TNXB: variants seen among roughly 807,000 people sequenced by gnomAD.
TNXB encodes the protein tenascin XB, also known as tenascin-X.
Under a neutral mutation model 340.5 loss-of-function variants are expected in TNXB, and 183 were observed. The ratio of observed to expected loss-of-function variants is 0.54; its 90% CI spans 0.48 to 0.61. The LOEUF is 0.61. TNXB is among the 20% of genes least tolerant of loss of function. The probability of loss-of-function intolerance (pLI) is 0.00; values close to 1 mark genes in which losing one functional copy is unlikely to be tolerated. For synonymous variants in TNXB, 2,121 were observed against 2,314.5 expected (o/e 0.92, Z 2.40); for missense variants, 4,613 against 5,446.4 (o/e 0.85, Z 4.82).
At chr6:32,057,983 T>C (rs1385808946) in intron 22 of TNXB, 75 bp downstream of exon 22, 6 of 1,479,570 alleles carry the variant, frequency 4.1e-6, no homozygotes, top group African/African-American at 1.4e-5. Flanking sequence ...GACAGAAATA[T>C]GTATAGGAAA....
In TNXB at chr6:32,068,719, C is replaced by T. The variant is rs754149535; in HGVS notation, c.5903-12G>A. On this transcript the variant is annotated splice_polypyrimidine_tract_variant and intron_variant, in intron 16 of 43. Coordinates refer to ENST00000644971, the MANE Select transcript of TNXB (RefSeq NM_001365276.2). The surrounding 1 kb of genome is among the most constrained non-coding windows in gnomAD (Gnocchi z 5.3). Reference sequence around the variant, plus strand: ...CTCCTCCTCCGGGACTGGACAGAGACATGGAAAGAGAGGACTGAGGTGGGC... The same window carrying T: ...CTCCTCCTCCGGGACTGGACAGAGATATGGAAAGAGAGGACTGAGGTGGGC... 6.2e-7 allele frequency: 1 copy of T among 1,610,040 alleles called. No homozygotes were observed. The highest frequency in any genetic ancestry group is 8.5e-7 in the Non-Finnish European group (1 of 1,177,070).
chr6:32,044,322 G>A, intron 33 of TNXB, 59 bp downstream of exon 33: 1 of 437,370 alleles, frequency 2.3e-6, no homozygotes, highest in Non-Finnish European at 3.8e-6. Flanking sequence ...GAGGCACTAG[G>A]TCCCCCCCGT....
chr6:32,090,427 A>G lies in TNXB; in HGVS notation c.2359-1048T>C, dbSNP rs1780024309. Among the ~76,000 whole-genome samples, 1 of 152,202 alleles carries G rather than the reference A, an allele frequency of 6.6e-6. No individual in the cohort carries two copies. Among genetic ancestry groups the G allele is most frequent in the South Asian group, 2.1e-4 (1 of 4,832 alleles). On this transcript the variant is annotated intron_variant, in intron 4 of 43. Coordinates refer to ENST00000644971, the MANE Select transcript of TNXB (RefSeq NM_001365276.2). The surrounding 1 kb of genome is among the most constrained non-coding windows in gnomAD (Gnocchi z 4.3). ...CCACTGGGGAAACAGGAGGAACTGT[A>G]CATCTGTGAGCATTCTAACAGCCCC...
rs1777670616 is a variant in TNXB at position 32,056,685 on chromosome 6, T to G, written c.8044A>C (p.Thr2682Pro). ...VRVPGHEDGV[T>P]ISGLEPDHKY... ...TGGTCTGGCTCCAGGCCTGAGATGGTGACCCCGTCCTCGTGCCCCGGCACC... is the reference window on the plus strand; with the variant it reads ...TGGTCTGGCTCCAGGCCTGAGATGGGGACCCCGTCCTCGTGCCCCGGCACC... Residue 2682 changes from threonine (T) to proline (P), a missense_variant, in exon 23 of 44, where the codon ACC (threonine) becomes CCC (proline). Physicochemically the swap from Thr to Pro is conservative, Grantham distance 38 (BLOSUM62 -1). Transcript: ENST00000644971. 8.7e-6 allele frequency: 14 copies of G among 1,612,986 alleles called. No individual in the cohort carries two copies. The highest frequency in any genetic ancestry group is 1.2e-5 in the Non-Finnish European group (14 of 1,179,886).
intron 3 of TNXB, 57 bp from the exon 4 acceptor site, chr6:32,095,248 C>T: frequency 7.5e-7 from 1 of 1,342,092 alleles, no homozygotes; most frequent in Non-Finnish European, 1.0e-6. Flanking sequence ...CACCCCCACC[C>T]ACAGCCCCTT....
At chr6:32,095,555 G>T in intron 3 of TNXB, 56 bp downstream of exon 3, 2 of 1,562,304 alleles carry the variant, frequency 1.3e-6, no homozygotes, top group South Asian at 2.4e-5. Context: ...CTTCCCCATG[G>T]CTCCTGTTCA....
chr6:32,103,727 CTT>C (rs28986186), intron 1 of TNXB, among the ~76,000 whole-genome samples: 21 of 123,412 alleles, frequency 1.7e-4, no homozygotes, highest in African/African-American at 4.0e-4. Flanking sequence ...TTCACCGCAT[CTT>C]TTTTTTTTTT....
rs1181999656 is a variant in TNXB, at chr6:32,087,656, C to A, written c.2779+1129G>T. 7.0e-6 allele frequency: 3 copies of A among 425,956 alleles called. No individual in the cohort carries two copies. Among genetic ancestry groups the A allele is most frequent in the Admixed American group, 4.9e-5 (2 of 40,486 alleles). The allele number at this position is 425,956 out of a possible 1,614,324, so 26.4% of individuals were successfully genotyped here. ...GGGGGTGCGGGGGAGCCGGCTGGGG[C>A]GGCGGCCAACAGACGCCGCTGCAAG... On this transcript the variant is annotated intron_variant, in intron 6 of 43. Transcript: ENST00000644971. The surrounding 1 kb of genome is among the most constrained non-coding windows in gnomAD (Gnocchi z 9.0).
At position 32,049,257 on chromosome 6, in the gene TNXB, T is replaced by TC. The variant is rs772002470; in HGVS notation, c.9757+12dup. On this transcript the variant is annotated intron_variant, in intron 28 of 43. Coordinates refer to ENST00000644971, the MANE Select transcript of TNXB (RefSeq NM_001365276.2). The surrounding 1 kb of genome is among the most constrained non-coding windows in gnomAD (Gnocchi z 4.5). ...AGGTAAACCTGGGGACGAGGGCCTG[T>TC]CCCCCCACTCACCCGTGATGCCCAC... 4 of 1,605,050 alleles carry TC rather than the reference T, an allele frequency of 2.5e-6. No homozygotes were observed. Among genetic ancestry groups the TC allele is most frequent in the South Asian group, 1.1e-5 (1 of 90,718 alleles).
chr6:32,082,359 T>C lies in TNXB; in HGVS notation c.3446-33A>G. ...GAGTGGGTAGAGAGAAGGGAGAGAC[T>C]TAGGTCCAAGGAGAATGGGGAAGCC... On this transcript the variant is annotated intron_variant, in intron 8 of 43. Coordinates refer to ENST00000644971, the MANE Select transcript of TNXB (RefSeq NM_001365276.2). The surrounding 1 kb of genome is among the most constrained non-coding windows in gnomAD (Gnocchi z 5.0). 6.4e-7 allele frequency: 1 copy of C among 1,556,714 alleles called. No homozygotes were observed. The highest frequency in any genetic ancestry group is 8.7e-7 in the Non-Finnish European group (1 of 1,149,006).
In TNXB at chr6:32,058,458, A is replaced by G; in HGVS notation, c.7493-68T>C. 7.5e-7 allele frequency: 1 copy of G among 1,332,748 alleles called. No individual in the cohort carries two copies. Among genetic ancestry groups the G allele is most frequent in the African/African-American group, 1.5e-5 (1 of 67,298 alleles). 82.6% of individuals were successfully genotyped at this position (1,332,748 alleles called of 1,614,324 possible). On this transcript the variant is annotated intron_variant, in intron 21 of 43. Coordinates refer to ENST00000644971, the MANE Select transcript of TNXB (RefSeq NM_001365276.2). The surrounding 1 kb of genome is among the most constrained non-coding windows in gnomAD (Gnocchi z 5.1). The stretch of plus-strand genomic sequence containing the variant: ...GGCAACTTGCTTTGCTGGTGCTGTC[A>G]ACAGAGGTCATACATCAAATGTGCC...
intron 6 of TNXB, among the ~76,000 whole-genome samples, chr6:32,088,128 G>A (rs1779900006): frequency 1.3e-5 from 2 of 152,176 alleles, no homozygotes; most frequent in Admixed American, 1.3e-4. Context: ...CCTGGAAAGA[G>A]AACGGAGGGA....
Position 32,089,144 on chromosome 6 carries a change from C to T in TNXB, c.2515+79G>A. 6.4e-7 allele frequency: 1 copy of T among 1,568,692 alleles called. No individual in the cohort carries two copies. Among genetic ancestry groups the T allele is most frequent in the Non-Finnish European group, 8.6e-7 (1 of 1,156,132 alleles). On this transcript the variant is annotated intron_variant, in intron 5 of 43. Coordinates refer to ENST00000644971, the MANE Select transcript of TNXB (RefSeq NM_001365276.2). The surrounding 1 kb of genome is among the most constrained non-coding windows in gnomAD (Gnocchi z 6.2). ...CTAGCCCCCATCCAGCCCCTTCCTT[C>T]TGCCCTCCCGGAGGGCAGATTCCCT...
rs1779258399 is a variant in TNXB, at chr6:32,078,772, T to C, written c.4375+261A>G. The stretch of plus-strand genomic sequence containing the variant: ...CCCATTCTTGATGCTTTACATCTGT[T>C]AACTCACTTAACCCTCACAATAACT... On this transcript the variant is annotated intron_variant, in intron 11 of 43. Coordinates refer to ENST00000644971, the MANE Select transcript of TNXB (RefSeq NM_001365276.2). The C allele has an allele frequency of 6.1e-6, 3 of 489,068 alleles. No homozygotes were observed. The South Asian group carries it at 8.4e-5, about 14-fold the overall frequency. 30.3% of individuals were successfully genotyped at this position (489,068 alleles called of 1,614,324 possible).
Position 32,086,012 on chromosome 6 carries a change from C to T in TNXB, c.2886G>A (p.Glu962=). ...QAPLLQQRPQ[E]LGELRVLGRD... ...TGCCCAGCACCCTCAACTCTCCCAG[C>T]TCCTGGGGGCGCTGCTGCAGGAGAG... The change falls in exon 7 of 44, where the codon GAG becomes GAA. Residue 962 remains glutamate (E), a synonymous_variant. Transcript: ENST00000644971. The T allele has an allele frequency of 6.2e-7, 1 of 1,606,482 alleles. No individual in the cohort carries two copies. The highest frequency in any genetic ancestry group is 2.2e-5 in the East Asian group (1 of 44,872).
At position 32,073,853 on chromosome 6, in the gene TNXB, A is replaced by C. The variant is rs1335061905; in HGVS notation, c.4475T>G (p.Leu1492Arg). 1 of 1,611,096 alleles carries C rather than the reference A, an allele frequency of 6.2e-7. No individual in the cohort carries two copies. The highest frequency in any genetic ancestry group is 2.2e-5 in the East Asian group (1 of 44,850). ...VTDVTPNSVGLSWTVPEGQFD... is the reference protein window; with the variant it reads ...VTDVTPNSVGRSWTVPEGQFD... ...CTGGCCCTCGGGGACTGTCCAGGAG[A>C]GGCCCACAGAGTTGGGGGTCACATC... Residue 1492 changes from leucine (L) to arginine (R), a missense_variant, in exon 12 of 44, where the codon CTC (leucine) becomes CGC (arginine). By Grantham distance (102) the Leu-to-Arg change is moderately radical (BLOSUM62 -2). Around this residue, in one of 7 missense-constraint regions of TNXB, gnomAD observed 4,327 missense variants for 4,859.4 expected, o/e 0.89. Coordinates refer to ENST00000644971, the MANE Select transcript of TNXB (RefSeq NM_001365276.2). The surrounding 1 kb of genome is among the most constrained non-coding windows in gnomAD (Gnocchi z 4.6).
intron 11 of TNXB, among the ~76,000 whole-genome samples, chr6:32,077,136 C>A (rs1409063171): frequency 6.6e-6 from 1 of 152,216 alleles, no homozygotes; most frequent in African/African-American, 2.4e-5. Flanking sequence ...CCCCAGGGAC[C>A]AGGCACAGGG....
Position 32,058,211 on chromosome 6 carries a change from C to T in TNXB, c.7672G>A (p.Asp2558Asn). 6.2e-7 allele frequency: 1 copy of T among 1,612,506 alleles called. No homozygotes were observed. The highest frequency in any genetic ancestry group is 8.5e-7 in the Non-Finnish European group (1 of 1,179,872). ...ACCGCCTGGGGCCGCCCGTCCCTGT[C>T]CTTGTACTGCACGGTGAAGGAGTCA... The part of the protein sequence containing the change: ...RFDSFTVQYK[D>N]RDGRPQAVRV... Residue 2558 changes from aspartate (D) to asparagine (N), a missense_variant, in exon 22 of 44, where the codon GAC becomes AAC. Physicochemically the swap from Asp to Asn is conservative, Grantham distance 23 (BLOSUM62 1). Coordinates refer to ENST00000644971, the MANE Select transcript of TNXB (RefSeq NM_001365276.2). This position sits in a 1 kb window ranked among gnomAD's most constrained non-coding sequence, Gnocchi z 5.1.
At chr6:32,057,998 T>C in intron 22 of TNXB, 60 bp downstream of exon 22, 2 of 1,528,362 alleles carry the variant, frequency 1.3e-6, no homozygotes, top group East Asian at 2.3e-5. Context: ...AGGAAAATGG[T>C]AGAGAAGGGC....
Sources: gnomAD v4.1 joint callset for allele counts (sites outside exome capture counted in the v4.1 genomes callset) on GRCh38, gnomAD v4.1.1 for gene constraint, gnomAD v4.1.1 regional missense constraint, Gnocchi (gnomAD v3.1) non-coding constraint, MANE v1.5 for transcripts, NCBI Gene and HGNC (gene_info 2026-07-23, HGNC 2026-07-21) for gene names.